Variants in ARHGAP32 observed in about 807,000 individuals in gnomAD.
ARHGAP32 encodes Rho GTPase activating protein 32, also known as rho GTPase-activating protein 32.
ARHGAP32 carries 51 observed loss-of-function variants against 186.5 expected under a neutral mutation model. The observed-to-expected ratio is 0.27, with a 90% CI of 0.22 to 0.35. The LOEUF is 0.35. ARHGAP32 is among the 10% of genes least tolerant of loss of function. The pLI, the probability that ARHGAP32 is intolerant of heterozygous loss-of-function variation, is 1.00. For synonymous variants in ARHGAP32, 950 were observed against 964.3 expected (o/e 0.99, Z 0.27); for missense variants, 2,186 against 2,623.5 (o/e 0.83, Z 3.64).
chr11:129,204,920 A>C (rs1944497360), intron 1 of ARHGAP32, among the ~76,000 whole-genome samples: 1 of 152,178 alleles, frequency 6.6e-6, no homozygotes, highest in Non-Finnish European at 1.5e-5. Context: ...AGGAGAATTT[A>C]AGTTCCTGCC....
At chr11:129,044,144 T>A (rs1375281953) in intron 10 of ARHGAP32, among the ~76,000 whole-genome samples, 3 of 152,174 alleles carry the variant, frequency 2.0e-5, no homozygotes, top group African/African-American at 7.2e-5. Flanking sequence ...ACTCACTAGA[T>A]TAGGTTTGTA....
At chr11:129,264,238 A>G (rs1028549074) in intron 1 of ARHGAP32, among the ~76,000 whole-genome samples, 2 of 152,202 alleles carry the variant, frequency 1.3e-5, no homozygotes, top group African/African-American at 4.8e-5. Flanking sequence ...TGGGCCTGGG[A>G]GAAGGGGAAA....
intron 1 of ARHGAP32, among the ~76,000 whole-genome samples, chr11:129,222,478 T>C (rs775755476): frequency 3.3e-5 from 5 of 152,138 alleles, no homozygotes; most frequent in African/African-American, 1.2e-4. Flanking sequence ...TTCTCAAATT[T>C]TAAGTAGAAT....
chr11:129,272,347 T>C (rs150729717), intron 1 of ARHGAP32, among the ~76,000 whole-genome samples: 45 of 152,318 alleles, frequency 3.0e-4, no homozygotes, highest in African/African-American at 8.4e-4. Flanking sequence ...CGCTAAGGTA[T>C]TGCCCTCACC....
intron 18 of ARHGAP32, 56 bp from the exon 19 acceptor site, chr11:128,978,971 AC>A: frequency 6.7e-7 from 1 of 1,484,828 alleles, no homozygotes; most frequent in Non-Finnish European, 9.1e-7. Flanking sequence ...GTCTTTTCTT[AC>A]AGAAAAGAAA....
chr11:129,032,775 A>G (rs1939169371), intron 11 of ARHGAP32, among the ~76,000 whole-genome samples: 1 of 152,248 alleles, frequency 6.6e-6, no homozygotes, highest in African/African-American at 2.4e-5. Context: ...AAATAGAAAG[A>G]GACTTAAATA....
intron 1 of ARHGAP32, 37 bp downstream of exon 1, chr11:129,192,046 G>A (rs1019655857): frequency 9.5e-6 from 14 of 1,478,530 alleles, no homozygotes; most frequent in East Asian, 2.3e-5. Context: ...GGGGTAGGGA[G>A]TGGACAGGAC....
At chr11:129,225,498 T>C (rs1944769154) in intron 1 of ARHGAP32, among the ~76,000 whole-genome samples, 2 of 152,302 alleles carry the variant, frequency 1.3e-5, no homozygotes, top group South Asian at 4.1e-4. Flanking sequence ...TAAGGAAATC[T>C]GTACAATCAC....
chr11:128,995,295 C>T (rs926631966), intron 12 of ARHGAP32, among the ~76,000 whole-genome samples: 1 of 152,218 alleles, frequency 6.6e-6, no homozygotes, highest in Non-Finnish European at 1.5e-5. Flanking sequence ...TAGTCTCCAA[C>T]TCCTGGGGTC....
chr11:129,097,668 C>A (rs1591611792), intron 5 of ARHGAP32, among the ~76,000 whole-genome samples: 1 of 151,764 alleles, frequency 6.6e-6, no homozygotes, highest in Non-Finnish European at 1.5e-5. Context: ...CCTAAGGGAC[C>A]CATGGGACAC....
At chr11:129,100,165 A>G (rs1156346403) in intron 5 of ARHGAP32, among the ~76,000 whole-genome samples, 1 of 152,202 alleles carries the variant, frequency 6.6e-6, no homozygotes, top group Admixed American at 6.5e-5. Flanking sequence ...GAGCATCCAT[A>G]GCAGAGCACA....
intron 1 of ARHGAP32, among the ~76,000 whole-genome samples, chr11:129,206,199 T>C (rs1944511654): frequency 6.6e-6 from 1 of 152,154 alleles, no homozygotes; most frequent in African/African-American, 2.4e-5. Flanking sequence ...TCCAACTGCC[T>C]TGAACCTTCT....
intron 1 of ARHGAP32, among the ~76,000 whole-genome samples, chr11:129,271,409 G>A (rs11221628): frequency 0.31 from 46,877 of 151,682 alleles, 7,580 homozygotes; most frequent in Middle Eastern, 0.4. Flanking sequence ...TCTGGCCTGC[G>A]CAAGTGGTGG....
At chr11:129,025,661 G>GA (rs1171762486) in intron 11 of ARHGAP32, among the ~76,000 whole-genome samples, 1 of 151,474 alleles carries the variant, frequency 6.6e-6, no homozygotes, top group Non-Finnish European at 1.5e-5. Context: ...GAGAGAGGAA[G>GA]AAAAAAGAGA....
In ARHGAP32 at chr11:128,974,163, T is replaced by G; in HGVS notation, c.3034A>C (p.Ser1012Arg). The G allele has an allele frequency of 1.2e-6, 2 of 1,614,200 alleles. No individual in the cohort carries two copies. Among genetic ancestry groups the G allele is most frequent in the African/African-American group, 2.7e-5 (2 of 75,048 alleles). ...CCAGAAGCTACAGCCTTACTCTGACTGCTTGAGACAGACTGATCCTCTTTC... is the reference window on the plus strand; with the variant it reads ...CCAGAAGCTACAGCCTTACTCTGACGGCTTGAGACAGACTGATCCTCTTTC... ...PGKEDQSVSS[S>R]QSKAVASGQT... The change falls in exon 21 of 23, where the codon AGT (serine) becomes CGT (arginine). Residue 1012 changes from serine to arginine, a missense_variant. Around this residue, in one of 5 missense-constraint regions of ARHGAP32, gnomAD observed 1,502 missense variants for 1,570.0 expected, o/e 0.96. Transcript: ENST00000682385.
intron 1 of ARHGAP32, among the ~76,000 whole-genome samples, chr11:129,206,478 G>A (rs1164783733): frequency 6.6e-6 from 1 of 152,086 alleles, no homozygotes; most frequent in African/African-American, 2.4e-5. Context: ...CTCCTAATCT[G>A]CTAGGATTAC....
intron 5 of ARHGAP32, among the ~76,000 whole-genome samples, chr11:129,105,991 A>T (rs1349832790): frequency 3.3e-5 from 5 of 152,156 alleles, no homozygotes; most frequent in Admixed American, 1.3e-4. Flanking sequence ...ACAATAACTA[A>T]AGTTAAAATC....
chr11:129,068,305 T>C (rs1940762639), intron 6 of ARHGAP32, among the ~76,000 whole-genome samples: 1 of 152,112 alleles, frequency 6.6e-6, no homozygotes, highest in African/African-American at 2.4e-5. Context: ...ATGAGCTGAA[T>C]GTTCCTTTCC....
chr11:129,246,731 G>T (rs1244253360), intron 1 of ARHGAP32, among the ~76,000 whole-genome samples: 1 of 152,142 alleles, frequency 6.6e-6, no homozygotes, highest in Non-Finnish European at 1.5e-5. Context: ...ATCCATTTTA[G>T]CAATTTCTAT....
Sources: gnomAD v4.1 joint callset for allele counts (sites outside exome capture counted in the v4.1 genomes callset) on GRCh38, gnomAD v4.1.1 for gene constraint, gnomAD v4.1.1 regional missense constraint, MANE v1.5 for transcripts, NCBI Gene and HGNC (gene_info 2026-07-23, HGNC 2026-07-21) for gene names.